The following ELMO1 variants were observed in gnomAD, a reference collection of about 807,000 sequenced individuals.
ELMO1 encodes engulfment and cell motility 1, also known as engulfment and cell motility protein 1.
In ELMO1, 26 loss-of-function variants were observed where a neutral mutation model predicts 98.9. The ratio of observed to expected loss-of-function variants is 0.26; its 90% CI spans 0.19 to 0.36. The LOEUF (loss-of-function observed/expected upper bound fraction) is 0.36. Ranked by LOEUF, ELMO1 falls within the 10% of genes least tolerant of loss-of-function variation. The probability of loss-of-function intolerance (pLI) is 1.00; values close to 1 mark genes in which losing one functional copy is unlikely to be tolerated. For missense variants in ELMO1, 627 were observed against 935.2 expected, an observed-to-expected ratio of 0.67 and a Z score of 4.30; for synonymous variants, 346 against 346.0, an observed-to-expected ratio of 1.00 and a Z score of 0.00.
intron 13 of ELMO1, among the ~76,000 whole-genome samples, chr7:37,166,833 T>C (rs968045473): frequency 6.6e-6 from 1 of 151,992 alleles, no homozygotes; most frequent in African/African-American, 2.4e-5. Flanking sequence ...GGGAGGAGAG[T>C]TCTGTAGATG....
At chr7:37,028,228 G>C (rs541395359) in intron 15 of ELMO1, among the ~76,000 whole-genome samples, 1 of 152,232 alleles carries the variant, frequency 6.6e-6, no homozygotes, top group East Asian at 1.9e-4. Context: ...AGAATTCCCG[G>C]TATTTTGCTG....
chr7:37,089,462 C>T (rs1783956145), intron 15 of ELMO1, among the ~76,000 whole-genome samples: 1 of 152,114 alleles, frequency 6.6e-6, no homozygotes, highest in African/African-American at 2.4e-5. Flanking sequence ...AAATGTATGT[C>T]CATTCTGCTC....
At chr7:37,091,474 T>C (rs916723009) in intron 15 of ELMO1, among the ~76,000 whole-genome samples, 4 of 152,138 alleles carry the variant, frequency 2.6e-5, no homozygotes, top group African/African-American at 4.8e-5. Flanking sequence ...ACCATTTCTT[T>C]TTCCCCAGCT....
At chr7:37,141,614 GA>G (rs1417194069) in intron 13 of ELMO1, among the ~76,000 whole-genome samples, 11 of 152,116 alleles carry the variant, frequency 7.2e-5, no homozygotes, top group Non-Finnish European at 1.6e-4. Flanking sequence ...TTAAACAGAT[GA>G]AAAAGAAAAG....
chr7:37,250,653 G>A (rs1795292694), intron 6 of ELMO1, among the ~76,000 whole-genome samples: 1 of 152,060 alleles, frequency 6.6e-6, no homozygotes, highest in South Asian at 2.1e-4. Context: ...TTAGCCGGGT[G>A]TGGTGGCAGG....
intron 1 of ELMO1, among the ~76,000 whole-genome samples, chr7:37,430,356 C>T (rs1562687498): frequency 6.6e-6 from 1 of 152,198 alleles, no homozygotes; most frequent in Non-Finnish European, 1.5e-5. Context: ...CATGTATCGT[C>T]ATTTCCTGGC....
At chr7:37,042,061 G>A (rs1795540822) in intron 15 of ELMO1, among the ~76,000 whole-genome samples, 1 of 151,262 alleles carries the variant, frequency 6.6e-6, no homozygotes, top group Non-Finnish European at 1.5e-5. Context: ...GTGGCAGGTG[G>A]ATCACTTGAG....
At chr7:37,291,072 T>C (rs1797656147) in intron 4 of ELMO1, among the ~76,000 whole-genome samples, 1 of 151,994 alleles carries the variant, frequency 6.6e-6, no homozygotes, top group South Asian at 2.1e-4. Context: ...TCACAAAACC[T>C]TGACATATGA....
At chr7:37,411,552 A>G (rs1195056115) in intron 1 of ELMO1, among the ~76,000 whole-genome samples, 1 of 152,094 alleles carries the variant, frequency 6.6e-6, no homozygotes, top group Non-Finnish European at 1.5e-5. Flanking sequence ...CAACTTCTCT[A>G]TTGTATTAGA....
chr7:37,204,190 T>C (rs1226026734), intron 13 of ELMO1: 7 of 456,180 alleles, frequency 1.5e-5, no homozygotes, highest in Non-Finnish European at 2.6e-5. Context: ...CTGGAATTGG[T>C]GGGTTCTTGG....
intron 16 of ELMO1, among the ~76,000 whole-genome samples, chr7:36,923,648 A>G (rs1584378352): frequency 6.6e-6 from 1 of 152,354 alleles, no homozygotes; most frequent in Non-Finnish European, 1.5e-5. Context: ...CCTCTTTGGG[A>G]TAAGGATCAT....
chr7:37,200,432 G>A (rs948498670), intron 13 of ELMO1, among the ~76,000 whole-genome samples: 6 of 151,920 alleles, frequency 3.9e-5, no homozygotes, highest in African/African-American at 1.2e-4. Context: ...CATGAAGACA[G>A]TGCATGCCAT....
rs184278368 is a variant in ELMO1, at chr7:37,150,876, C to T, written c.1087-17642G>A. On this transcript the variant is annotated intron_variant, in intron 13 of 21. Transcript: ENST00000310758. ...TTTGACTAGGGGTATGCCCACTGTT[C>T]TCTAACAAGGAAATAAATTCATTTT... Among the ~76,000 whole-genome samples, 182 of 152,300 alleles carry T rather than the reference C, an allele frequency of 1.2e-3. 1 individual carries two copies. Among genetic ancestry groups the T allele is most frequent in the African/African-American group, 4.2e-3 (175 of 41,570 alleles).
intron 13 of ELMO1, among the ~76,000 whole-genome samples, chr7:37,179,557 G>A (rs547742273): frequency 2.8e-4 from 42 of 152,220 alleles, no homozygotes; most frequent in African/African-American, 6.3e-4. Flanking sequence ...GATTACAGGC[G>A]TGAGCCACCG....
chr7:37,187,496 AGTTT>A (rs1791283781), intron 13 of ELMO1, among the ~76,000 whole-genome samples: 1 of 152,218 alleles, frequency 6.6e-6, no homozygotes, highest in African/African-American at 2.4e-5. Context: ...TTATGTTCTC[AGTTT>A]TACAAATTTT....
intron 16 of ELMO1, among the ~76,000 whole-genome samples, chr7:36,982,891 G>T (rs1455833883): frequency 6.6e-6 from 1 of 152,168 alleles, no homozygotes; most frequent in Non-Finnish European, 1.5e-5. Flanking sequence ...GCTCCACATT[G>T]CCCTAGCAGC....
At chr7:36,881,555 G>A (rs745852017) in intron 18 of ELMO1, among the ~76,000 whole-genome samples, 2 of 152,184 alleles carry the variant, frequency 1.3e-5, no homozygotes, top group Non-Finnish European at 2.9e-5. Flanking sequence ...TTAATGTGGA[G>A]GTCTTCCAGT....
chr7:37,418,552 C>T (rs1184355323), intron 1 of ELMO1, among the ~76,000 whole-genome samples: 1 of 152,190 alleles, frequency 6.6e-6, no homozygotes, highest in African/African-American at 2.4e-5. Flanking sequence ...AGCAAGACCT[C>T]TGGCAAGGAG....
intron 2 of ELMO1, among the ~76,000 whole-genome samples, chr7:37,324,615 T>C (rs1430117118): frequency 6.6e-6 from 1 of 152,206 alleles, no homozygotes; most frequent in African/African-American, 2.4e-5. Context: ...AGGGTCTCAC[T>C]CCGTCACAAA....
Sources: gnomAD v4.1 joint callset for allele counts (sites outside exome capture counted in the v4.1 genomes callset) on GRCh38, gnomAD v4.1.1 for gene constraint, MANE v1.5 for transcripts, NCBI Gene and HGNC (gene_info 2026-07-23, HGNC 2026-07-21) for gene names.